Variants in ATF3 observed in about 807,000 individuals in gnomAD.
The protein encoded by ATF3 is cyclic AMP-dependent transcription factor ATF-3.
ATF3 carries 10 observed loss-of-function variants against 18.4 expected under a neutral mutation model. The ratio of observed to expected loss-of-function variants is 0.54; its 90% CI spans 0.34 to 0.92. The LOEUF is 0.92. Ranked by LOEUF, ATF3 falls within the 40% of genes least tolerant of loss-of-function variation. The probability of loss-of-function intolerance (pLI) is 0.02; values close to 1 mark genes in which losing one functional copy is unlikely to be tolerated. For missense variants in ATF3, 183 were observed against 222.3 expected (o/e 0.82, Z 1.12); for synonymous variants, 78 against 87.9 (o/e 0.89, Z 0.63).
chr1:212,589,213 C>G (rs923273172), intron 1 of ATF3, among the ~76,000 whole-genome samples: 2 of 152,154 alleles, frequency 1.3e-5, no homozygotes, highest in African/African-American at 4.8e-5. Flanking sequence ...CAAACCTTGT[C>G]TATTAGCTCT....
At chr1:212,615,307 C>A in intron 2 of ATF3, 46 bp downstream of exon 2, 1 of 1,587,898 alleles carries the variant, frequency 6.3e-7, no homozygotes, top group Non-Finnish European at 8.5e-7. Context: ...ATGTTTCGCT[C>A]GCAGCCACTG....
intron 1 of ATF3, 23 bp from the exon 2 acceptor site, chr1:212,614,995 T>C (rs536691683): frequency 1.2e-6 from 2 of 1,614,058 alleles, no homozygotes; most frequent in East Asian, 4.5e-5. Flanking sequence ...CTGAAACAGT[T>C]TGGGTTTCAA....
At chr1:212,579,136 C>T (rs1323106763) in intron 1 of ATF3, among the ~76,000 whole-genome samples, 7 of 151,810 alleles carry the variant, frequency 4.6e-5, no homozygotes, top group Admixed American at 2.0e-4. Context: ...CTCAGCCTCC[C>T]GAGTAGCTGG....
At chr1:212,573,182 C>A (rs10157307) in intron 1 of ATF3, among the ~76,000 whole-genome samples, 13,226 of 152,074 alleles carry the variant, frequency 0.087, 1,260 homozygotes, top group African/African-American at 0.25. Flanking sequence ...CAAACTATAT[C>A]TTTGTTTTGG....
chr1:212,594,739 C>G (rs1558232081), intron 1 of ATF3, among the ~76,000 whole-genome samples: 1 of 152,174 alleles, frequency 6.6e-6, no homozygotes, highest in Non-Finnish European at 1.5e-5. Flanking sequence ...CCGCCTGATC[C>G]CTTTTTAGGG....
intron 2 of ATF3, among the ~76,000 whole-genome samples, chr1:212,616,911 G>T (rs760783741): frequency 6.6e-5 from 10 of 152,126 alleles, no homozygotes; most frequent in Non-Finnish European, 1.2e-4. Flanking sequence ...GGATTATAGG[G>T]GTTAGGGTGG....
At position 212,619,353 on chromosome 1, in the gene ATF3, C is replaced by T. The variant is rs1655271605; in HGVS notation, c.349-5C>T. 1 of 1,612,984 alleles carries T rather than the reference C, an allele frequency of 6.2e-7. No individual in the cohort carries two copies. The highest frequency in any genetic ancestry group is 1.3e-5 in the African/African-American group (1 of 74,874). On this transcript the variant is annotated splice_region_variant and splice_polypyrimidine_tract_variant and intron_variant, in intron 3 of 3. Transcript: ENST00000341491. This position sits in a 1 kb window ranked among gnomAD's most constrained non-coding sequence, Gnocchi z 4.4. ...TTCTTGATGCCTCTGTTGCTTGTCCCCCAGGAGTCGGAGAAGCTGGAAAGT... is the reference window on the plus strand; with the variant it reads ...TTCTTGATGCCTCTGTTGCTTGTCCTCCAGGAGTCGGAGAAGCTGGAAAGT...
intron 2 of ATF3, 50 bp downstream of exon 2, chr1:212,615,311 G>T: frequency 6.3e-7 from 1 of 1,583,910 alleles, no homozygotes; most frequent in Non-Finnish European, 8.6e-7. Flanking sequence ...TTCGCTCGCA[G>T]CCACTGTGTG....
rs560166917 is a variant in ATF3 at position 212,615,185 on chromosome 1, G to A, written c.164G>A (p.Cys55Tyr). The change falls in exon 2 of 4, where the codon TGC (cysteine) becomes TAC (tyrosine). Residue 55 changes from cysteine to tyrosine, a missense_variant. Coordinates refer to ENST00000341491, the MANE Select transcript of ATF3 (RefSeq NM_001674.4). ...LRFAIQNKHLCHRMSSALESV... is the reference protein window; with the variant it reads ...LRFAIQNKHLYHRMSSALESV... ...TTTGCCATCCAGAACAAGCACCTCTGCCACCGGATGTCCTCTGCGCTGGAA... is the reference window on the plus strand; with the variant it reads ...TTTGCCATCCAGAACAAGCACCTCTACCACCGGATGTCCTCTGCGCTGGAA... 13 of 1,614,086 alleles carry A rather than the reference G, an allele frequency of 8.1e-6. No individual in the cohort carries two copies. Among genetic ancestry groups the A allele is most frequent in the Non-Finnish European group, 1.1e-5 (13 of 1,180,046 alleles).
intron 1 of ATF3, among the ~76,000 whole-genome samples, chr1:212,577,152 T>C (rs1351119994): frequency 6.6e-6 from 1 of 152,212 alleles, no homozygotes; most frequent in African/African-American, 2.4e-5. Flanking sequence ...TGGTATTTAT[T>C]TTCCCTCTGC....
intron 1 of ATF3, among the ~76,000 whole-genome samples, chr1:212,612,135 G>A (rs1252926405): frequency 6.6e-6 from 1 of 152,024 alleles, no homozygotes; most frequent in Non-Finnish European, 1.5e-5. Context: ...CCCAAATCTC[G>A]ACAGATACAT....
chr1:212,614,948 G>T (rs531370929), intron 1 of ATF3, 70 bp from the exon 2 acceptor site: 1 of 1,613,400 alleles, frequency 6.2e-7, no homozygotes, highest in African/African-American at 1.3e-5. Context: ...TGGAGGTCTG[G>T]TGGGGGAGGG....
chr1:212,576,891 C>T (rs12026968), intron 1 of ATF3, among the ~76,000 whole-genome samples: 1 of 146,660 alleles, frequency 6.8e-6, no homozygotes, highest in African/African-American at 2.7e-5. Flanking sequence ...TCACACCCGG[C>T]TGATTTTTTT....
intron 1 of ATF3, among the ~76,000 whole-genome samples, chr1:212,610,585 G>A (rs1364217271): frequency 6.6e-6 from 1 of 152,220 alleles, no homozygotes; most frequent in Non-Finnish European, 1.5e-5. Flanking sequence ...ACAGCACCCA[G>A]CATCTGTGGC....
chr1:212,579,839 T>C (rs1664647403), intron 1 of ATF3, among the ~76,000 whole-genome samples: 1 of 152,168 alleles, frequency 6.6e-6, no homozygotes, highest in Non-Finnish European at 1.5e-5. Flanking sequence ...AAATAAACTA[T>C]CTTGGTTAAG....
upstream of ATF3, among the ~76,000 whole-genome samples, chr1:212,607,668 A>T (rs1166843865): frequency 6.6e-6 from 1 of 152,180 alleles, no homozygotes; most frequent in African/African-American, 2.4e-5. Context: ...GAGCAGAAGA[A>T]CACGTGAAAG....
At chr1:212,595,671 G>A (rs1664978878) in intron 1 of ATF3, among the ~76,000 whole-genome samples, 1 of 152,206 alleles carries the variant, frequency 6.6e-6, no homozygotes, top group Non-Finnish European at 1.5e-5. Context: ...CACAGAAAAG[G>A]TGCGTCCACG....
intron 1 of ATF3, among the ~76,000 whole-genome samples, chr1:212,600,103 G>A (rs1558233875): frequency 6.6e-6 from 1 of 152,222 alleles, no homozygotes; most frequent in South Asian, 2.1e-4. Context: ...ATACGAGAGT[G>A]GGGATACCAC....
At chr1:212,577,960 A>G (rs981080099) in intron 1 of ATF3, among the ~76,000 whole-genome samples, 2 of 152,148 alleles carry the variant, frequency 1.3e-5, no homozygotes, top group African/African-American at 2.4e-5. Flanking sequence ...GGATTGCTGG[A>G]TCATATGGTA....
Sources: gnomAD v4.1 joint callset for allele counts (sites outside exome capture counted in the v4.1 genomes callset) on GRCh38, gnomAD v4.1.1 for gene constraint, Gnocchi (gnomAD v3.1) non-coding constraint, MANE v1.5 for transcripts, NCBI Gene and HGNC (gene_info 2026-07-23, HGNC 2026-07-21) for gene names.